SKIC3: variants seen among roughly 807,000 people sequenced by gnomAD.
The protein encoded by SKIC3 is SKI3 subunit of superkiller complex, also known as superkiller complex protein 3.
the SKIC3 span, among the ~76,000 whole-genome samples, chr5:95,502,687 A>G: frequency 6.6e-6 from 1 of 152,352 alleles, no homozygotes; most frequent in South Asian, 2.1e-4. Context: ...CGAAGAATCC[A>G]ATAGATCAAG....
At chr5:95,478,387 T>TAAC in the SKIC3 span, 1 of 1,613,902 alleles carries the variant, frequency 6.2e-7, no homozygotes, top group Non-Finnish European at 8.5e-7. Flanking sequence ...ACTCTTTCTG[T>TAAC]AACACATCTC....
chr5:95,530,715 C>T, the SKIC3 span, among the ~76,000 whole-genome samples: 1 of 152,172 alleles, frequency 6.6e-6, no homozygotes, highest in African/African-American at 2.4e-5. Flanking sequence ...TCACATTCCT[C>T]TTAAGTCTAC....
the SKIC3 span, chr5:95,484,790 G>A: frequency 5.0e-6 from 8 of 1,614,104 alleles, no homozygotes; most frequent in Non-Finnish European, 6.8e-6. Context: ...CAGCTTGTGA[G>A]AGAGACCACT....
chr5:95,504,707 T>G, the SKIC3 span, among the ~76,000 whole-genome samples: 2 of 151,954 alleles, frequency 1.3e-5, no homozygotes, highest in Non-Finnish European at 2.9e-5. Flanking sequence ...TTTTTGTGTT[T>G]AAGGGAGAGG....
chr5:95,530,763 T>A, the SKIC3 span, among the ~76,000 whole-genome samples: 3 of 152,220 alleles, frequency 2.0e-5, no homozygotes, highest in Non-Finnish European at 4.4e-5. Flanking sequence ...TCTAAAACTA[T>A]CTTTTTCTAT....
chr5:95,504,266 G>A, the SKIC3 span, among the ~76,000 whole-genome samples: 1 of 149,914 alleles, frequency 6.7e-6, no homozygotes, highest in African/African-American at 2.5e-5. Flanking sequence ...AACCCAGGAG[G>A]CAGAGGTTGT....
At chr5:95,507,219 ATAACCTCTTAG>A in the SKIC3 span, among the ~76,000 whole-genome samples, 2 of 152,210 alleles carry the variant, frequency 1.3e-5, no homozygotes. Context: ...TAACATCTAA[ATAACCTCTTAG>A]TAAGTGAAAT....
chr5:95,481,251 A>G, the SKIC3 span, among the ~76,000 whole-genome samples: 1 of 152,110 alleles, frequency 6.6e-6, no homozygotes, highest in African/African-American at 2.4e-5. Context: ...GGTAGAAGGT[A>G]ACTGAATCAT....
chr5:95,527,476 T>C, the SKIC3 span, among the ~76,000 whole-genome samples: 1 of 152,202 alleles, frequency 6.6e-6, no homozygotes, highest in Non-Finnish European at 1.5e-5. Context: ...TAATAGTCTT[T>C]ACCTGACAAA....
chr5:95,516,888 G>T, the SKIC3 span: 1 of 1,561,692 alleles, frequency 6.4e-7, no homozygotes, highest in African/African-American at 1.4e-5. Flanking sequence ...TTTTGAAAAG[G>T]TTTATAAAAA....
At chr5:95,490,752 C>A in the SKIC3 span, among the ~76,000 whole-genome samples, 2 of 152,092 alleles carry the variant, frequency 1.3e-5, no homozygotes, top group African/African-American at 4.8e-5. Context: ...CCCATCTCGG[C>A]CTCCCAAAGT....
the SKIC3 span, among the ~76,000 whole-genome samples, chr5:95,481,057 C>T: frequency 6.6e-6 from 1 of 152,008 alleles, no homozygotes; most frequent in Admixed American, 6.6e-5. Context: ...ACAGGTATGT[C>T]ATATATAGAG....
chr5:95,541,830 A>G, the SKIC3 span: 1 of 1,611,788 alleles, frequency 6.2e-7, no homozygotes, highest in Non-Finnish European at 8.5e-7. Flanking sequence ...ATAAAGATCC[A>G]GGAGCTTTTG....
chr5:95,476,596 G>C, the SKIC3 span, among the ~76,000 whole-genome samples: 36 of 152,166 alleles, frequency 2.4e-4, no homozygotes, highest in East Asian at 6.2e-3. Context: ...GTTTACAAAG[G>C]CATGTGTAAA....
the SKIC3 span, chr5:95,504,079 C>T: frequency 1.9e-3 from 8 of 4,168 alleles, no homozygotes; most frequent in Non-Finnish European, 3.1e-3. Flanking sequence ...GAGGCCCAGG[C>T]GGGGGGTGGG....
chr5:95,525,179 G>A, the SKIC3 span, among the ~76,000 whole-genome samples: 61 of 152,112 alleles, frequency 4.0e-4, no homozygotes, highest in African/African-American at 1.2e-3. Flanking sequence ...CACCACGCCC[G>A]GCCAAGATCA....
At chr5:95,486,750 A>T in the SKIC3 span, among the ~76,000 whole-genome samples, 1 of 152,110 alleles carries the variant, frequency 6.6e-6, no homozygotes, top group African/African-American at 2.4e-5. Flanking sequence ...ACTCACTTAC[A>T]TGTATCACAT....
chr5:95,498,393 T>C, the SKIC3 span: 1 of 1,614,090 alleles, frequency 6.2e-7, no homozygotes, highest in African/African-American at 1.3e-5. Context: ...TAGATATTTG[T>C]TTTTGCACAG....
chr5:95,498,505 G>A, the SKIC3 span: 1 of 1,614,166 alleles, frequency 6.2e-7, no homozygotes, highest in Non-Finnish European at 8.5e-7. Flanking sequence ...ATTAAGTGCT[G>A]CTTTTGACAG....
Sources: allele counts gnomAD v4.1 joint callset (sites outside exome capture counted in the v4.1 genomes callset), GRCh38; gene constraint gnomAD v4.1.1; transcripts MANE v1.5; gene names NCBI Gene and HGNC (gene_info 2026-07-23, HGNC 2026-07-21).